Variants in CCDC146 observed in about 807,000 individuals in gnomAD.
CCDC146 encodes the protein coiled-coil domain-containing protein 146.
In CCDC146, 92 loss-of-function variants were observed where a neutral mutation model predicts 119.3. That is an observed-to-expected ratio of 0.77 (90% CI 0.65 to 0.92). The LOEUF is 0.92. Ranked by LOEUF, CCDC146 falls within the 40% of genes least tolerant of loss-of-function variation. CCDC146 has a pLI of 0.00. For missense variants in CCDC146, 1,000 were observed against 1,103.0 expected (o/e 0.91, Z 1.32); for synonymous variants, 372 against 371.8 (o/e 1.00, Z -0.01).
intron 2 of CCDC146, chr7:77,199,360 T>G: frequency 1.2e-6 from 2 of 1,614,102 alleles, no homozygotes; most frequent in Non-Finnish European, 1.7e-6. Flanking sequence ...TTTGGCATTC[T>G]TTAGCTCAGA....
In CCDC146 at chr7:77,167,677, C is replaced by T. The variant is rs187633674; in HGVS notation, c.9C>T (p.Asp3=). 14 of 1,587,040 alleles carry T rather than the reference C, an allele frequency of 8.8e-6. No individual in the cohort carries two copies. In the Admixed American group the frequency reaches 1.4e-4, roughly 16 times the overall value. ...TTTTAGAATCGTGAAAAATGGAAGA[C>T]AGTAGCACAGACACAGAAAAAGAAG... ME[D]SSTDTEKEEE... The change falls in exon 2 of 19, where the codon GAC becomes GAT. Residue 3 remains aspartate (D), a synonymous_variant. Transcript: ENST00000285871.
chr7:77,177,635 T>C (rs2150414146), intron 2 of CCDC146, among the ~76,000 whole-genome samples: 1 of 152,306 alleles, frequency 6.6e-6, no homozygotes, highest in African/African-American at 2.4e-5. Context: ...CAAAGATAAA[T>C]ATGTACACTC....
At chr7:77,149,345 C>T (rs541346963) in intron 1 of CCDC146, among the ~76,000 whole-genome samples, 48 of 152,024 alleles carry the variant, frequency 3.2e-4, no homozygotes, top group South Asian at 8.3e-4. Context: ...GATTAAAGAC[C>T]GTCAGCTTTT....
chr7:77,292,924 G>C (rs757140223), intron 17 of CCDC146, 28 bp from the exon 18 acceptor site: 120 of 1,608,576 alleles, frequency 7.5e-5, no homozygotes, highest in South Asian at 2.0e-4. Flanking sequence ...TGTATACATA[G>C]ACTAAGCTTT....
intron 3 of CCDC146, 32 bp from the exon 4 acceptor site, chr7:77,241,659 T>G (rs747458242): frequency 6.3e-7 from 1 of 1,596,738 alleles, no homozygotes; most frequent in South Asian, 1.1e-5. Context: ...ACATGTCTCA[T>G]TATGTGAGTC....
At chr7:77,122,830 C>A (rs1437055211) in intron 1 of CCDC146, 98 bp downstream of exon 1, 3 of 153,698 alleles carry the variant, frequency 2.0e-5, no homozygotes, top group Admixed American at 6.4e-5. Context: ...GTGCGGGCAT[C>A]TCCAGGGCAT....
chr7:77,206,243 T>C (rs1288679887), intron 2 of CCDC146, among the ~76,000 whole-genome samples: 1 of 152,232 alleles, frequency 6.6e-6, no homozygotes, highest in Non-Finnish European at 1.5e-5. Flanking sequence ...GTATTTATTC[T>C]AATATGTATA....
At position 77,167,825 on chromosome 7, in the gene CCDC146, G is replaced by A. The variant is rs1350477724; in HGVS notation, c.156+1G>A. 6.2e-7 allele frequency: 1 copy of A among 1,610,866 alleles called. No homozygotes were observed. The highest frequency in any genetic ancestry group is 8.5e-7 in the Non-Finnish European group (1 of 1,178,848). On this transcript the variant is annotated splice_donor_variant, in intron 2 of 18. Transcript: ENST00000285871. LOFTEE classifies it high-confidence loss of function. ...TCCAGCTTTCATTTTTCTGCATGAG[G>A]TATATTTTTCTTTATATGTTACTAC...
chr7:77,192,325 G>A (rs1186375201), intron 2 of CCDC146, among the ~76,000 whole-genome samples: 1 of 152,162 alleles, frequency 6.6e-6, no homozygotes, highest in African/African-American at 2.4e-5. Context: ...TATAATTGAA[G>A]GAACCAAAGA....
chr7:77,189,334 T>C (rs533070382), intron 2 of CCDC146, among the ~76,000 whole-genome samples: 215 of 152,266 alleles, frequency 1.4e-3, no homozygotes, highest in African/African-American at 5.0e-3. Flanking sequence ...CTGGCTGACC[T>C]TTGATCAGCA....
At chr7:77,206,293 T>G (rs1238818099) in intron 2 of CCDC146, among the ~76,000 whole-genome samples, 1 of 151,928 alleles carries the variant, frequency 6.6e-6, no homozygotes, top group Non-Finnish European at 1.5e-5. Flanking sequence ...TTTTGGGGGG[T>G]TTTGTTTATC....
At chr7:77,217,585 A>G (rs1391229211) in intron 2 of CCDC146, among the ~76,000 whole-genome samples, 1 of 151,918 alleles carries the variant, frequency 6.6e-6, no homozygotes, top group African/African-American at 2.4e-5. Context: ...AGAGAGTTAT[A>G]TAAATATATA....
intron 15 of CCDC146, among the ~76,000 whole-genome samples, chr7:77,285,468 G>A (rs1413857238): frequency 1.3e-5 from 2 of 152,134 alleles, no homozygotes; most frequent in African/African-American, 2.4e-5. Context: ...GGGAGGAGGA[G>A]CATAAATTAA....
chr7:77,172,123 G>C (rs2117496778), intron 2 of CCDC146, among the ~76,000 whole-genome samples: 1 of 152,152 alleles, frequency 6.6e-6, no homozygotes, highest in East Asian at 1.9e-4. Flanking sequence ...GTGATAAATT[G>C]CAAACTTTCG....
At chr7:77,124,684 A>G (rs1381621749) in intron 1 of CCDC146, among the ~76,000 whole-genome samples, 1 of 152,182 alleles carries the variant, frequency 6.6e-6, no homozygotes, top group Non-Finnish European at 1.5e-5. Flanking sequence ...TTCACATCTT[A>G]GTTTAAAAAA....
At chr7:77,210,970 G>A (rs1792170834) in intron 2 of CCDC146, among the ~76,000 whole-genome samples, 1 of 152,100 alleles carries the variant, frequency 6.6e-6, no homozygotes, top group Admixed American at 6.5e-5. Context: ...CCCAACAGTG[G>A]GGATTACAAT....
At chr7:77,254,442 G>A (rs1793138717) in intron 4 of CCDC146, 64 bp from the exon 5 acceptor site, 3 of 900,278 alleles carry the variant, frequency 3.3e-6, no homozygotes, top group Non-Finnish European at 5.2e-6. Flanking sequence ...AAGATAGAAA[G>A]TTGTTATTAC....
intron 1 of CCDC146, among the ~76,000 whole-genome samples, chr7:77,163,547 G>A (rs1012445872): frequency 1.3e-5 from 2 of 152,094 alleles, no homozygotes; most frequent in Non-Finnish European, 2.9e-5. Flanking sequence ...TATTCAATAC[G>A]TTTATAAATA....
chr7:77,233,741 G>A (rs1029792632), intron 2 of CCDC146, among the ~76,000 whole-genome samples: 1 of 152,212 alleles, frequency 6.6e-6, no homozygotes, highest in African/African-American at 2.4e-5. Context: ...GAGCTCAGGT[G>A]GTAATGCTCA....
Sources: gnomAD v4.1 joint callset for allele counts (sites outside exome capture counted in the v4.1 genomes callset) on GRCh38, gnomAD v4.1.1 for gene constraint, MANE v1.5 for transcripts, NCBI Gene and HGNC (gene_info 2026-07-23, HGNC 2026-07-21) for gene names.